Variants in MACF1 observed in about 807,000 individuals in gnomAD.
The protein encoded by MACF1 is microtubule actin crosslinking factor 1.
In MACF1, 193 loss-of-function variants were observed where a neutral mutation model predicts 854.8. The ratio of observed to expected loss-of-function variants is 0.23; its 90% confidence interval spans 0.20 to 0.25. The LOEUF (loss-of-function observed/expected upper bound fraction) is 0.25. MACF1 is among the 10% of genes least tolerant of loss of function. The pLI, the probability that MACF1 is intolerant of heterozygous loss-of-function variation, is 1.00. For missense variants in MACF1, 7,722 were observed against 8,929.1 expected (o/e 0.86, Z 5.45); for synonymous variants, 3,185 against 3,226.7 (o/e 0.99, Z 0.44).
At chr1:39,258,620 T>C (rs973098937) in intron 6 of MACF1, among the ~76,000 whole-genome samples, 6 of 152,330 alleles carry the variant, frequency 3.9e-5, no homozygotes, top group African/African-American at 1.2e-4. Flanking sequence ...TGAATTGCTA[T>C]TGGAAAAGTA....
At chr1:39,183,488 C>A (rs1395387247) in intron 2 of MACF1, among the ~76,000 whole-genome samples, 1 of 152,164 alleles carries the variant, frequency 6.6e-6, no homozygotes, top group African/African-American at 2.4e-5. Context: ...TGCTTCAGAA[C>A]TGTCACTGTC....
At chr1:39,102,103 G>T (rs28665627) in intron 2 of MACF1, among the ~76,000 whole-genome samples, 4,005 of 151,846 alleles carry the variant, frequency 0.026, 147 homozygotes, top group African/African-American at 0.084. Context: ...GTGAACCCCG[G>T]GGGGCGGAGC....
chr1:39,134,485 A>G (rs990324546), intron 2 of MACF1, among the ~76,000 whole-genome samples: 3 of 152,086 alleles, frequency 2.0e-5, no homozygotes, highest in African/African-American at 7.2e-5. Flanking sequence ...ATTTTGTTGT[A>G]TCAGATACAT....
rs1375647080 is a variant in MACF1 at position 39,285,605 on chromosome 1, A to G, written c.1355A>G (p.Asp452Gly). 6.2e-7 allele frequency: 1 copy of G among 1,612,436 alleles called. No homozygotes were observed. Among genetic ancestry groups the G allele is most frequent in the South Asian group, 1.1e-5 (1 of 91,040 alleles). ...LTLAKNTLQA[D>G]AAHLESGQPV... ...TGTTATTCTCTCTTCCTGTCTCAGG[A>G]TGCTGCTCACCTGGAATCAGGACAA... is the stretch of plus-strand genomic sequence containing the variant. Residue 452 changes from aspartate (D) to glycine (G), a missense_variant and splice_region_variant, in exon 14 of 101, where the codon GAT (aspartate) becomes GGT (glycine). Coordinates refer to ENST00000564288, the MANE Select transcript of MACF1 (RefSeq NM_001394062.1).
chr1:39,306,389 A>C (rs1354454139), intron 23 of MACF1, among the ~76,000 whole-genome samples: 4 of 152,080 alleles, frequency 2.6e-5, no homozygotes, highest in Admixed American at 2.0e-4. Flanking sequence ...CGGCCTCTCA[A>C]AGTGTTGGGA....
In MACF1 at chr1:39,297,081, G is replaced by A. The variant is rs528064702; in HGVS notation, c.2356-539G>A. 5.7e-4 allele frequency among the ~76,000 whole-genome samples: 86 copies of A among 151,864 alleles called. 1 individual carries two copies. The highest frequency in any genetic ancestry group is 2.1e-3 in the African/African-American group (85 of 41,444). ...TGGGACTACAGGCGCCCACCACCAC[G>A]CCCGGCTAATTTTTTTGTATTTTTT... On this transcript the variant is annotated intron_variant, in intron 20 of 100. Coordinates refer to ENST00000564288, the MANE Select transcript of MACF1 (RefSeq NM_001394062.1).
chr1:39,444,170 C>A (rs1159389272), intron 79 of MACF1, among the ~76,000 whole-genome samples: 2 of 152,018 alleles, frequency 1.3e-5, no homozygotes, highest in East Asian at 3.9e-4. Flanking sequence ...CTCGTCTCTA[C>A]TAAAAATACA....
At chr1:39,132,988 G>A (rs1047893431) in intron 2 of MACF1, among the ~76,000 whole-genome samples, 2 of 152,204 alleles carry the variant, frequency 1.3e-5, no homozygotes, top group African/African-American at 4.8e-5. Flanking sequence ...TCTGCATGCT[G>A]TGGATTCTGC....
Position 39,084,242 on chromosome 1 carries a change from G to A in MACF1, c.24G>A (p.Thr8=), listed in dbSNP as rs774047494. 1.7e-5 allele frequency: 27 copies of A among 1,611,594 alleles called. No homozygotes were observed. In the East Asian group the frequency reaches 2.2e-4, roughly 13 times the overall value. Residue 8 remains threonine (T), a synonymous_variant, in exon 2 of 94, where the codon ACG becomes ACA. Coordinates refer to the MACF1 transcript ENST00000361689. The surrounding 1 kb of genome is among the most constrained non-coding windows in gnomAD (Gnocchi z 5.2). ...CCATGTCTTCCTCAGATGAAGAGAC[G>A]CTCAGTGAGCGGTCATGTCGGAGTG...
At chr1:39,412,550 G>A in intron 58 of MACF1, 1 of 1,613,998 alleles carries the variant, frequency 6.2e-7, no homozygotes, top group Non-Finnish European at 8.5e-7. Context: ...GAGATTCTGA[G>A]TCTGCACCTG....
At chr1:39,415,493 G>T (rs61636308) in intron 58 of MACF1, among the ~76,000 whole-genome samples, 16 of 148,506 alleles carry the variant, frequency 1.1e-4, no homozygotes, top group Admixed American at 6.7e-4. Flanking sequence ...CCGCCACTAC[G>T]CCCGGCAATT....
intron 2 of MACF1, among the ~76,000 whole-genome samples, chr1:39,162,090 T>G (rs1171343189): frequency 6.6e-6 from 1 of 151,064 alleles, no homozygotes; most frequent in African/African-American, 2.4e-5. Context: ...AATCTCCGCC[T>G]CCCGGGTTCA....
At chr1:39,477,133 T>TACACACACACACACAC (rs1243959585) in intron 97 of MACF1, among the ~76,000 whole-genome samples, 2 of 98,920 alleles carry the variant, frequency 2.0e-5, no homozygotes, top group African/African-American at 8.7e-5. Flanking sequence ...TATATATATA[T>TACACACACACACACAC]ATACACACAC....
chr1:39,478,146 G>A (rs1644946588), intron 97 of MACF1, among the ~76,000 whole-genome samples: 1 of 151,914 alleles, frequency 6.6e-6, no homozygotes, highest in African/African-American at 2.4e-5. Context: ...GGGACTACAG[G>A]CATGCACCAA....
At chr1:39,256,347 C>T (rs1645095883) in intron 5 of MACF1, among the ~76,000 whole-genome samples, 1 of 151,950 alleles carries the variant, frequency 6.6e-6, no homozygotes, top group Non-Finnish European at 1.5e-5. Flanking sequence ...ATTGAATTCT[C>T]GGGGAGGGGA....
chr1:39,452,764 A>G lies in MACF1; in HGVS notation c.20694A>G (p.Ala6898=), dbSNP rs1644363051. ...AGCAAACGCTTCGCTTTCGGGGAGC[A>G]CTTCCTGATGACACAGAGGCCCTGC... The part of the protein sequence containing the change: ...EAEQTLRFRG[A]LPDDTEALQS... The change falls in exon 87 of 101, where the codon GCA becomes GCG. Residue 6898 remains alanine, a synonymous_variant. Coordinates refer to ENST00000564288, the MANE Select transcript of MACF1 (RefSeq NM_001394062.1). The G allele has an allele frequency of 6.2e-7, 1 of 1,614,130 alleles. No homozygotes were observed. The highest frequency in any genetic ancestry group is 8.5e-7 in the Non-Finnish European group (1 of 1,180,020).
chr1:39,302,418 T>C (rs1268733848), intron 22 of MACF1, among the ~76,000 whole-genome samples: 2 of 152,248 alleles, frequency 1.3e-5, no homozygotes. Flanking sequence ...GACTGTGCTT[T>C]TGTGTGTCTC....
At chr1:39,118,815 T>G (rs1453636616) in intron 2 of MACF1, among the ~76,000 whole-genome samples, 1 of 152,332 alleles carries the variant, frequency 6.6e-6, no homozygotes, top group East Asian at 1.9e-4. Context: ...CGTTAGTTAC[T>G]TCACTTTGCC....
intron 2 of MACF1, among the ~76,000 whole-genome samples, chr1:39,161,982 C>T (rs987989398): frequency 6.6e-6 from 1 of 151,524 alleles, no homozygotes; most frequent in Non-Finnish European, 1.5e-5. Context: ...AGGATTACTT[C>T]AGCTGGGGGT....
Sources: gnomAD v4.1 joint callset for allele counts (sites outside exome capture counted in the v4.1 genomes callset) on GRCh38, gnomAD v4.1.1 for gene constraint, Gnocchi (gnomAD v3.1) non-coding constraint, MANE v1.5 for transcripts, NCBI Gene and HGNC (gene_info 2026-07-23, HGNC 2026-07-21) for gene names.